Variants in CELF2 observed in about 807,000 individuals in gnomAD.
CELF2 encodes CUG triplet repeat RNA-binding protein 2.
In CELF2, 8 loss-of-function variants were observed where a neutral mutation model predicts 62.6. The ratio of observed to expected loss-of-function variants is 0.13; its 90% CI spans 0.07 to 0.23. The LOEUF (loss-of-function observed/expected upper bound fraction) is 0.23, where lower values mean the gene tolerates loss of function less well. Ranked by LOEUF, CELF2 falls within the 10% of genes least tolerant of loss-of-function variation. CELF2 has a pLI of 1.00. For missense variants in CELF2, 333 were observed against 671.0 expected, an observed-to-expected ratio of 0.50 and a Z score of 5.56; for synonymous variants, 258 against 250.0, an observed-to-expected ratio of 1.03 and a Z score of -0.30.
At chr10:11,058,203 G>T (rs973108959) in intron 1 of CELF2, among the ~76,000 whole-genome samples, 1 of 152,062 alleles carries the variant, frequency 6.6e-6, no homozygotes, top group Non-Finnish European at 1.5e-5. Flanking sequence ...AGTTTAGCTT[G>T]AGCTCAGCCA....
chr10:10,833,004 C>G (rs1372244315), intron 1 of CELF2, among the ~76,000 whole-genome samples: 1 of 134,506 alleles, frequency 7.4e-6, no homozygotes, highest in African/African-American at 2.9e-5. Flanking sequence ...CCTACAGACA[C>G]AGAAAACTCT....
intron 1 of CELF2, among the ~76,000 whole-genome samples, chr10:11,160,742 CT>C (rs992775666): frequency 6.0e-5 from 9 of 151,036 alleles, no homozygotes; most frequent in Non-Finnish European, 1.3e-4. Context: ...TAAGACAAGG[CT>C]TTTTTGTGTG....
At chr10:11,154,512 CT>C (rs1182824069) in intron 1 of CELF2, among the ~76,000 whole-genome samples, 1 of 152,242 alleles carries the variant, frequency 6.6e-6, no homozygotes, top group African/African-American at 2.4e-5. Context: ...CTGCAGAGAA[CT>C]CTGGAAGTCC....
chr10:10,552,979 G>C, the CELF2 span, among the ~76,000 whole-genome samples: 4 of 152,174 alleles, frequency 2.6e-5, no homozygotes, highest in South Asian at 2.1e-4. Flanking sequence ...AAGGGGGCAT[G>C]GGGAGATGGG....
At chr10:10,977,706 T>C (rs537505131) in intron 2 of CELF2, among the ~76,000 whole-genome samples, 1 of 152,372 alleles carries the variant, frequency 6.6e-6, no homozygotes, top group Admixed American at 6.5e-5. Context: ...GTACATTCTC[T>C]TCACTGGACT....
At position 11,142,977 on chromosome 10, in the gene CELF2, C is replaced by T. The variant is rs557176162; in HGVS notation, c.75-22509C>T. Among the ~76,000 whole-genome samples the T allele has an allele frequency of 7.1e-4, 107 of 151,114 alleles. 1 individual carries two copies. The highest frequency in any genetic ancestry group is 2.4e-3 in the African/African-American group (100 of 40,978). ...TCCCTCCACTGGGGGAACTCACTCC[C>T]CTCGTGATTCTTCTGTCCTCCCTCC... On this transcript the variant is annotated intron_variant, in intron 1 of 12. Transcript: ENST00000633077.
At chr10:10,617,676 G>A in the CELF2 span, among the ~76,000 whole-genome samples, 178 of 151,168 alleles carry the variant, frequency 1.2e-3, 1 homozygote, top group African/African-American at 3.9e-3. Flanking sequence ...GAATGAACAA[G>A]GCAGAGACTC....
At chr10:11,234,449 G>A (rs1041739745) in intron 3 of CELF2, among the ~76,000 whole-genome samples, 4 of 152,202 alleles carry the variant, frequency 2.6e-5, no homozygotes, top group Admixed American at 6.5e-5. Context: ...TTGGGAGGCC[G>A]AGGCGGGTGG....
At chr10:10,499,466 T>C in the CELF2 span, among the ~76,000 whole-genome samples, 1 of 152,200 alleles carries the variant, frequency 6.6e-6, no homozygotes, top group African/African-American at 2.4e-5. Flanking sequence ...ATTATGTGAT[T>C]ATACACTGCT....
intron 1 of CELF2, among the ~76,000 whole-genome samples, chr10:10,852,086 T>C (rs1447225429): frequency 6.6e-6 from 1 of 152,240 alleles, no homozygotes; most frequent in Non-Finnish European, 1.5e-5. Flanking sequence ...GATGTAACCA[T>C]TTAACTCCTT....
intron 1 of CELF2, among the ~76,000 whole-genome samples, chr10:11,078,233 A>G (rs1443440570): frequency 6.6e-6 from 1 of 151,678 alleles, no homozygotes; most frequent in African/African-American, 2.4e-5. Context: ...TCTTCCTTGT[A>G]TTATCCTAAA....
chr10:10,982,576 G>A (rs987767785), intron 2 of CELF2, among the ~76,000 whole-genome samples: 2 of 152,202 alleles, frequency 1.3e-5, no homozygotes, highest in African/African-American at 4.8e-5. Context: ...GGAGGAATGA[G>A]GTCCAGGAAA....
chr10:10,809,449 C>A (rs2055609648), intron 1 of CELF2, among the ~76,000 whole-genome samples: 1 of 152,174 alleles, frequency 6.6e-6, no homozygotes, highest in African/African-American at 2.4e-5. Flanking sequence ...CTTTCTGCAT[C>A]CATTCGGGTT....
intron 1 of CELF2, among the ~76,000 whole-genome samples, chr10:10,829,248 G>A (rs1326752160): frequency 6.6e-6 from 1 of 152,102 alleles, no homozygotes; most frequent in African/African-American, 2.4e-5. Context: ...AGTTGAAATA[G>A]GCAAACAAAG....
Position 11,249,191 on chromosome 10 carries a change from A to G in CELF2, c.393A>G (p.Glu131=). The G allele has an allele frequency of 1.2e-6, 2 of 1,613,134 alleles. No homozygotes were observed. Among genetic ancestry groups the G allele is most frequent in the Non-Finnish European group, 1.7e-6 (2 of 1,179,028 alleles). ...TTCAGATGAAACCTGCAGATAGTGA[A>G]AAGTCCAACGGTAGGTGGTAACCAA... The part of the protein sequence containing the change: ...HPIQMKPADS[E]KSNAVEDRKL... Residue 131 remains glutamate, a synonymous_variant, in exon 4 of 13, where the codon GAA becomes GAG. Transcript: ENST00000633077.
upstream of CELF2, among the ~76,000 whole-genome samples, chr10:10,796,412 C>T (rs2054142781): frequency 6.6e-6 from 1 of 152,206 alleles, no homozygotes; most frequent in Non-Finnish European, 1.5e-5. Context: ...ATTCTACTGA[C>T]TACCTTTAAA....
At chr10:10,666,656 A>T in the CELF2 span, among the ~76,000 whole-genome samples, 1 of 77,362 alleles carries the variant, frequency 1.3e-5, no homozygotes, top group African/African-American at 6.5e-5. Context: ...AGGTCAGGAG[A>T]TCGAGACCAT....
intron 1 of CELF2, among the ~76,000 whole-genome samples, chr10:11,101,077 A>G (rs2051474754): frequency 6.6e-6 from 1 of 152,178 alleles, no homozygotes; most frequent in East Asian, 1.9e-4. Flanking sequence ...AGAAGGGGAA[A>G]TCAATAGGAT....
chr10:10,562,922 G>A, the CELF2 span, among the ~76,000 whole-genome samples: 1 of 139,664 alleles, frequency 7.2e-6, no homozygotes, highest in Non-Finnish European at 1.5e-5. Flanking sequence ...GGAAGTCTAA[G>A]GCATTTTTTT....
Sources: allele counts gnomAD v4.1 joint callset (sites outside exome capture counted in the v4.1 genomes callset), GRCh38; gene constraint gnomAD v4.1.1; transcripts MANE v1.5; gene names NCBI Gene and HGNC (gene_info 2026-07-23, HGNC 2026-07-21).